Variants in GLDC observed in about 807,000 individuals in gnomAD.
GLDC encodes the protein glycine dehydrogenase (decarboxylating), mitochondrial.
A neutral mutation model predicts 121.3 loss-of-function variants in GLDC; 104 were observed. The observed-to-expected ratio is 0.86, with a 90% CI of 0.73 to 1.01. GLDC has a LOEUF of 1.01. Among genes scored for constraint, GLDC ranks in the 50% least tolerant of loss-of-function variants. GLDC has a pLI of 0.00. For synonymous variants in GLDC, 546 were observed against 480.6 expected (o/e 1.14, Z -1.78); for missense variants, 1,429 against 1,306.6 (o/e 1.09, Z -1.44).
intron 3 of GLDC, among the ~76,000 whole-genome samples, chr9:6,617,924 G>C (rs970832698): frequency 3.3e-5 from 5 of 152,196 alleles, no homozygotes; most frequent in African/African-American, 1.2e-4. Flanking sequence ...ATTCCCTTAA[G>C]TAAAGTTGGT....
chr9:6,556,314 A>G lies in GLDC; in HGVS notation c.2053-12T>C, dbSNP rs376968366. ...TTGTGCTTATCCACCTGTGAAAGAA[A>G]AGGGGTAGAGAAGGACATGGAGGGA... On this transcript the variant is annotated splice_polypyrimidine_tract_variant and intron_variant, in intron 17 of 24. Coordinates refer to ENST00000321612, the MANE Select transcript of GLDC (RefSeq NM_000170.3). 17 of 1,611,522 alleles carry G rather than the reference A, an allele frequency of 1.1e-5. No individual in the cohort carries two copies. The African/African-American group carries it at 2.3e-4, about 22-fold the overall frequency.
chr9:6,535,003 G>T (rs1228892474), intron 23 of GLDC, among the ~76,000 whole-genome samples: 1 of 152,158 alleles, frequency 6.6e-6, no homozygotes, highest in Admixed American at 6.5e-5. Context: ...ACCCAGTAAA[G>T]TCTAATGAGC....
chr9:6,633,161 C>G (rs1431203204), intron 2 of GLDC, among the ~76,000 whole-genome samples: 1 of 152,192 alleles, frequency 6.6e-6, no homozygotes, highest in Non-Finnish European at 1.5e-5. Context: ...AGACTTTCTT[C>G]CCTCTTCTGC....
At chr9:6,609,683 C>G (rs1818809768) in intron 4 of GLDC, among the ~76,000 whole-genome samples, 1 of 151,914 alleles carries the variant, frequency 6.6e-6, no homozygotes, top group African/African-American at 2.4e-5. Context: ...CTCCCCTGCT[C>G]CCGCCCTCTG....
chr9:6,591,841 C>G, intron 11 of GLDC: 1 of 246,372 alleles, frequency 4.1e-6, no homozygotes, highest in Admixed American at 4.9e-5. Context: ...CCCCGCCCCC[C>G]TGACCTCCCA....
intron 4 of GLDC, among the ~76,000 whole-genome samples, chr9:6,609,833 G>A (rs1818813726): frequency 6.6e-6 from 1 of 152,048 alleles, no homozygotes; most frequent in Non-Finnish European, 1.5e-5. Context: ...CCTGCGCTTG[G>A]CTGCTTCCCC....
chr9:6,597,557 TC>T (rs1818514505), intron 8 of GLDC, among the ~76,000 whole-genome samples: 1 of 151,616 alleles, frequency 6.6e-6, no homozygotes, highest in Non-Finnish European at 1.5e-5. Flanking sequence ...AAAGTAAGAC[TC>T]CCATCTCTAT....
In GLDC at chr9:6,636,765, A is replaced by AC. The variant is rs1360053324; in HGVS notation, c.334+7848dup. Among the ~76,000 whole-genome samples the AC allele has an allele frequency of 2.0e-5, 3 of 152,066 alleles. No individual in the cohort carries two copies. In the East Asian group the frequency reaches 5.8e-4, roughly 29 times the overall value. ...ACTCCAGCCTGGGCAACAGAGTGAG[A>AC]CCCCATCTCAAAAATAAAATTAAAA... On this transcript the variant is annotated intron_variant, in intron 2 of 24. Transcript: ENST00000321612.
At chr9:6,549,980 A>G (rs1370433718) in intron 21 of GLDC, among the ~76,000 whole-genome samples, 1 of 152,050 alleles carries the variant, frequency 6.6e-6, no homozygotes, top group Non-Finnish European at 1.5e-5. Context: ...TTCCAGCCTC[A>G]TTGTCATTTG....
At chr9:6,592,387 A>AC (rs1350022634) in intron 10 of GLDC, among the ~76,000 whole-genome samples, 164 bp from the exon 11 acceptor site, 6 of 152,206 alleles carry the variant, frequency 3.9e-5, no homozygotes, top group Non-Finnish European at 1.5e-5. Flanking sequence ...AGGTGGCTAG[A>AC]CCAGTCCCAG....
intron 4 of GLDC, among the ~76,000 whole-genome samples, chr9:6,607,693 G>C (rs1203156660): frequency 3.3e-5 from 5 of 151,804 alleles, no homozygotes; most frequent in South Asian, 2.1e-4. Context: ...GCTCAGGCTG[G>C]AGTGCAGTAG....
chr9:6,538,054 T>C (rs1817173900), intron 22 of GLDC, among the ~76,000 whole-genome samples: 1 of 152,194 alleles, frequency 6.6e-6, no homozygotes, highest in Admixed American at 6.5e-5. Context: ...ATCCTAACTG[T>C]ACCATTTAAT....
At chr9:6,588,275 G>C (rs1039789107) in intron 14 of GLDC, 126 bp downstream of exon 14, 7 of 795,626 alleles carry the variant, frequency 8.8e-6, no homozygotes, top group Non-Finnish European at 1.4e-5. Flanking sequence ...GCAAGGTAAA[G>C]AATTATTAAA....
intron 14 of GLDC, 69 bp downstream of exon 14, chr9:6,588,332 T>C: frequency 9.6e-7 from 1 of 1,038,646 alleles, no homozygotes; most frequent in Non-Finnish European, 1.5e-6. Flanking sequence ...TTTCACTAGT[T>C]CTGGGCTTAG....
intron 2 of GLDC, among the ~76,000 whole-genome samples, chr9:6,634,552 C>CAAACAAAA (rs1261606186): frequency 3.9e-5 from 4 of 101,884 alleles, no homozygotes; most frequent in African/African-American, 1.6e-4. Context: ...AACAAACAAA[C>CAAACAAAA]AAAAAACAAA....
chr9:6,574,873 G>T (rs749129296), intron 15 of GLDC, among the ~76,000 whole-genome samples: 21 of 152,068 alleles, frequency 1.4e-4, no homozygotes, highest in Non-Finnish European at 2.6e-4. Context: ...GGAGGGGAGG[G>T]AGACGGCAAA....
chr9:6,642,377 A>G (rs1819647261), intron 2 of GLDC, among the ~76,000 whole-genome samples: 2 of 150,958 alleles, frequency 1.3e-5, no homozygotes, highest in Admixed American at 1.3e-4. Flanking sequence ...TAAAAATACA[A>G]AAAATTAGCC....
intron 8 of GLDC, 90 bp from the exon 9 acceptor site, chr9:6,595,209 A>G: frequency 2.3e-6 from 2 of 869,544 alleles, no homozygotes; most frequent in South Asian, 2.6e-5. Context: ...AAAACTGAAG[A>G]CAGCGACAAA....
intron 8 of GLDC, 113 bp from the exon 9 acceptor site, chr9:6,595,232 G>C (rs1563852594): frequency 8.8e-6 from 7 of 793,158 alleles, no homozygotes; most frequent in Middle Eastern, 4.4e-4. Flanking sequence ...AAAATGATCA[G>C]ATTTCCTACA....
Sources: gnomAD v4.1 joint callset for allele counts (sites outside exome capture counted in the v4.1 genomes callset) on GRCh38, gnomAD v4.1.1 for gene constraint, MANE v1.5 for transcripts, NCBI Gene and HGNC (gene_info 2026-07-23, HGNC 2026-07-21) for gene names.